Variants in HERC1 observed in about 807,000 individuals in gnomAD.
HERC1 encodes HECT and RLD domain containing E3 ubiquitin protein ligase family member 1.
A neutral mutation model predicts 554.3 loss-of-function variants in HERC1; 160 were observed. That is an observed-to-expected ratio of 0.29 (90% CI 0.25 to 0.33). The LOEUF is 0.33. HERC1 is among the 10% of genes least tolerant of loss of function. The pLI is 1.00. For missense variants in HERC1, 4,919 were observed against 5,918.5 expected (o/e 0.83, Z 5.54); for synonymous variants, 2,175 against 2,131.7 (o/e 1.02, Z -0.56).
At chr15:63,810,513 C>A (rs2077269328) in intron 1 of HERC1, among the ~76,000 whole-genome samples, 1 of 151,918 alleles carries the variant, frequency 6.6e-6, no homozygotes, top group Non-Finnish European at 1.5e-5. Context: ...ACAGTTAACT[C>A]TGGGAAAAAC....
At chr15:63,624,373 A>T in intron 71 of HERC1, 46 bp from the exon 72 acceptor site, 1 of 1,492,532 alleles carries the variant, frequency 6.7e-7, no homozygotes. Flanking sequence ...ATCTAGGCTT[A>T]AAAGAAATAA....
At chr15:63,642,246 T>C (rs990887800) in intron 59 of HERC1, among the ~76,000 whole-genome samples, 1 of 152,232 alleles carries the variant, frequency 6.6e-6, no homozygotes, top group Non-Finnish European at 1.5e-5. Flanking sequence ...GCAGTTTTAC[T>C]AGAATATTAA....
At chr15:63,722,573 G>A (rs1444468007) in intron 19 of HERC1, among the ~76,000 whole-genome samples, 2 of 152,164 alleles carry the variant, frequency 1.3e-5, no homozygotes, top group Non-Finnish European at 2.9e-5. Flanking sequence ...GCCCTTCTGA[G>A]TAGTATGATG....
intron 42 of HERC1, among the ~76,000 whole-genome samples, chr15:63,665,554 C>T (rs970643763): frequency 1.3e-5 from 2 of 152,122 alleles, no homozygotes; most frequent in African/African-American, 4.8e-5. Context: ...AAGTTCAATT[C>T]TATCAAATAC....
chr15:63,623,703 AG>A, intron 73 of HERC1, 21 bp downstream of exon 73: 1 of 1,611,866 alleles, frequency 6.2e-7, no homozygotes, highest in Non-Finnish European at 8.5e-7. Flanking sequence ...ATAACTCAGC[AG>A]GGGACACTGC....
At chr15:63,656,464 G>A in intron 48 of HERC1, 106 bp from the exon 49 acceptor site, 1 of 1,015,778 alleles carries the variant, frequency 9.8e-7, no homozygotes, top group South Asian at 1.6e-5. Context: ...ATAATAAAAT[G>A]TAAGCTGCAC....
rs762031561 is a variant in HERC1, at chr15:63,696,347, A to T, written c.4906-8T>A. ...AAGTGCCTCTAAACGAAGCTTGAGG[A>T]AAAAAACATATTTTAGAGTTCTTCA... On this transcript the variant is annotated splice_polypyrimidine_tract_variant and splice_region_variant and intron_variant, in intron 26 of 77. Transcript: ENST00000443617. 6.3e-7 allele frequency: 1 copy of T among 1,591,802 alleles called. No homozygotes were observed. Among genetic ancestry groups the T allele is most frequent in the Admixed American group, 1.7e-5 (1 of 57,454 alleles).
intron 33 of HERC1, among the ~76,000 whole-genome samples, chr15:63,686,969 G>A (rs1232125766): frequency 6.6e-6 from 1 of 152,234 alleles, no homozygotes; most frequent in African/African-American, 2.4e-5. Flanking sequence ...ACATGCAACA[G>A]AGTTCAGTGA....
At chr15:63,816,119 T>C (rs1383693681) in intron 1 of HERC1, among the ~76,000 whole-genome samples, 2 of 152,154 alleles carry the variant, frequency 1.3e-5, no homozygotes, top group Non-Finnish European at 2.9e-5. Context: ...CCAAAACTTG[T>C]TCCTCAGATC....
intron 25 of HERC1, among the ~76,000 whole-genome samples, chr15:63,700,148 T>A (rs2072638440): frequency 6.6e-6 from 1 of 152,078 alleles, no homozygotes; most frequent in Non-Finnish European, 1.5e-5. Context: ...TGAATAATGG[T>A]TTTAGTTGTC....
intron 40 of HERC1, 40 bp downstream of exon 40, chr15:63,669,498 T>A (rs201468213): frequency 6.3e-6 from 10 of 1,594,714 alleles, no homozygotes; most frequent in African/African-American, 2.7e-5. Flanking sequence ...ACATCTGGAA[T>A]GCCAACTTTG....
chr15:63,660,823 A>G lies in HERC1; in HGVS notation c.9223+150T>C, dbSNP rs570922239. On this transcript the variant is annotated intron_variant, in intron 46 of 77. Coordinates refer to ENST00000443617, the MANE Select transcript of HERC1 (RefSeq NM_003922.4). ...TTTAAACCAGCGTTGTTGCTATTAA[A>G]TTCCCTTGAGTTTTTAAGGGAAAAT... 27 of 536,670 alleles carry G rather than the reference A, an allele frequency of 5.0e-5. No individual in the cohort carries two copies. In the South Asian group the frequency reaches 5.1e-4, roughly 10 times the overall value. 33.2% of individuals were successfully genotyped at this position (536,670 alleles called of 1,614,324 possible). A position where few individuals can be genotyped will look rare whatever the true frequency, so the allele number is the denominator to read the frequency against.
rs751428803 is a variant in HERC1 at position 63,652,510 on chromosome 15, C to G, written c.10322G>C (p.Gly3441Ala). The change falls in exon 52 of 78, where the codon GGT becomes GCT. Residue 3441 changes from glycine to alanine, a missense_variant. By Grantham distance (60) the Gly-to-Ala change is moderately conservative. Coordinates refer to ENST00000443617, the MANE Select transcript of HERC1 (RefSeq NM_003922.4). The part of the protein sequence containing the change: ...VMTCVWCNKK[G>A]LLATSGNDGT... Reference sequence around the variant, plus strand: ...ATCATTGCCACTTGTAGCCAAAAGACCTTTTTTATTACACCAAACACATGT... The same window carrying G: ...ATCATTGCCACTTGTAGCCAAAAGAGCTTTTTTATTACACCAAACACATGT... 5 of 1,602,768 alleles carry G rather than the reference C, an allele frequency of 3.1e-6. No individual in the cohort carries two copies. The highest frequency in any genetic ancestry group is 4.3e-6 in the Non-Finnish European group (5 of 1,173,690).
chr15:63,729,604 G>A lies in HERC1; in HGVS notation c.2914C>T (p.Leu972Phe). ...ELEKNSDKFLLGTSSSENSQP... is the reference protein window; with the variant it reads ...ELEKNSDKFLFGTSSSENSQP... Reference sequence around the variant, plus strand: ...CTGTTTTCTGATGATGATGTTCCAAGTAGAAATTTATCACTATTCTTTTCT... The same window carrying A: ...CTGTTTTCTGATGATGATGTTCCAAATAGAAATTTATCACTATTCTTTTCT... Residue 972 changes from leucine to phenylalanine, a missense_variant, in exon 15 of 78, where the codon CTT becomes TTT. Leu to Phe is a conservative substitution (Grantham distance 22). Coordinates refer to ENST00000443617, the MANE Select transcript of HERC1 (RefSeq NM_003922.4). 6.2e-7 allele frequency: 1 copy of A among 1,613,664 alleles called. No individual in the cohort carries two copies.
chr15:63,808,024 T>A (rs2077185986), intron 1 of HERC1, among the ~76,000 whole-genome samples: 1 of 152,040 alleles, frequency 6.6e-6, no homozygotes, highest in Non-Finnish European at 1.5e-5. Flanking sequence ...TAATTGTTCA[T>A]CATATATCCC....
At chr15:63,715,897 G>A (rs7176100) in intron 22 of HERC1, among the ~76,000 whole-genome samples, 123,519 of 152,142 alleles carry the variant, frequency 0.81, 52,009 homozygotes, top group Non-Finnish European at 0.87. Context: ...AGTTCCACAC[G>A]TGGAAAACAT....
At chr15:63,625,411 G>A (rs1467630536) in intron 71 of HERC1, among the ~76,000 whole-genome samples, 5 of 152,162 alleles carry the variant, frequency 3.3e-5, no homozygotes, top group Non-Finnish European at 7.4e-5. Context: ...TTGTAGAAGT[G>A]GCTGGGAGCG....
Position 63,612,276 on chromosome 15 carries a change from C to T in HERC1, c.14375G>A (p.Arg4792Lys), listed in dbSNP as rs2067636389. The change falls in exon 77 of 78, where the codon AGA becomes AAA. Residue 4792 changes from arginine to lysine, a missense_variant. Physicochemically the swap from Arg to Lys is conservative, Grantham distance 26 (BLOSUM62 2). Coordinates refer to ENST00000443617, the MANE Select transcript of HERC1 (RefSeq NM_003922.4). The surrounding 1 kb of genome is among the most constrained non-coding windows in gnomAD (Gnocchi z 5.0). ...CCTATCAACCTTCATGATTTGAAAT[C>T]TCTGAGAAATGTCAGCAGTGTTGGC... ...LPANTADISQ[R>K]FQIMKVDRPY... 1 of 1,610,674 alleles carries T rather than the reference C, an allele frequency of 6.2e-7. No homozygotes were observed.
intron 46 of HERC1, among the ~76,000 whole-genome samples, chr15:63,660,627 T>C (rs2070306209): frequency 6.6e-6 from 1 of 152,132 alleles, no homozygotes; most frequent in East Asian, 1.9e-4. Flanking sequence ...AGAAAATGAG[T>C]GCTCCAGAAA....
Sources: allele counts gnomAD v4.1 joint callset (sites outside exome capture counted in the v4.1 genomes callset), GRCh38; gene constraint gnomAD v4.1.1; non-coding constraint Gnocchi (gnomAD v3.1); transcripts MANE v1.5; gene names NCBI Gene and HGNC (gene_info 2026-07-23, HGNC 2026-07-21).